Variants in FEM1C observed in about 807,000 individuals in gnomAD.
The protein encoded by FEM1C is fem-1 homolog C.
In FEM1C, 15 loss-of-function variants were observed where a neutral mutation model predicts 37.6. The observed-to-expected ratio is 0.40, with a 90% CI of 0.27 to 0.61. The LOEUF is 0.61. Ranked by LOEUF, FEM1C falls within the 20% of genes least tolerant of loss-of-function variation. FEM1C has a pLI of 0.42. For missense variants in FEM1C, 532 were observed against 749.7 expected, an observed-to-expected ratio of 0.71 and a Z score of 3.39; for synonymous variants, 287 against 272.8, an observed-to-expected ratio of 1.05 and a Z score of -0.51.
chr5:115,520,965 C>T lies in FEM1C; in HGVS notation c.*3343G>A, dbSNP rs940633624. 2.0e-5 allele frequency: 3 copies of T among 151,660 alleles called. No homozygotes were observed. Among genetic ancestry groups the T allele is most frequent in the East Asian group, 3.9e-4 (2 of 5,146 alleles). The allele number at this position is 151,660 out of a possible 1,614,324, so 9.4% of individuals were successfully genotyped here. A position where few individuals can be genotyped will look rare whatever the true frequency, so the allele number is the denominator to read the frequency against. On this transcript the variant is annotated 3_prime_UTR_variant, in exon 3 of 3. Coordinates refer to ENST00000274457, the MANE Select transcript of FEM1C (RefSeq NM_020177.3). ...AATGAATGTTGTGGCATATGATTTTCCATTGTGTGACAATTTATTAGCTGG... is the reference window on the plus strand; with the variant it reads ...AATGAATGTTGTGGCATATGATTTTTCATTGTGTGACAATTTATTAGCTGG...
Position 115,523,846 on chromosome 5 carries a change from T to C in FEM1C, c.*462A>G. 6.0e-6 allele frequency: 1 copy of C among 168,010 alleles called. No homozygotes were observed. The highest frequency in any genetic ancestry group is 1.3e-5 in the Non-Finnish European group (1 of 77,278). The allele number at this position is 168,010 out of a possible 1,614,324, so 10.4% of individuals were successfully genotyped here. On this transcript the variant is annotated 3_prime_UTR_variant, in exon 3 of 3. Transcript: ENST00000274457. ...TCCTTAAGGTTTGTACAACCTAGTA[T>C]GGGTCCATAAGGAAAAAACTGTAGT... is the stretch of plus-strand genomic sequence containing the variant.
intron 2 of FEM1C, among the ~76,000 whole-genome samples, chr5:115,530,654 C>CAAA (rs1753996578): frequency 6.6e-6 from 1 of 152,094 alleles, no homozygotes; most frequent in African/African-American, 2.4e-5. Flanking sequence ...TGTCAAGGGA[C>CAAA]TGAAGTCACT....
chr5:115,534,552 A>G (rs931545254), intron 2 of FEM1C, among the ~76,000 whole-genome samples: 12 of 151,990 alleles, frequency 7.9e-5, no homozygotes, highest in African/African-American at 2.9e-4. Context: ...ATCTCAATTT[A>G]GATAAAATTA....
At chr5:115,527,247 A>G (rs772913411) in intron 2 of FEM1C, among the ~76,000 whole-genome samples, 19 of 152,170 alleles carry the variant, frequency 1.2e-4, no homozygotes, top group Admixed American at 5.2e-4. Flanking sequence ...TCAACATAGC[A>G]TGTGTACCAG....
At position 115,521,523 on chromosome 5, in the gene FEM1C, A is replaced by G. The variant is rs189533278; in HGVS notation, c.*2785T>C. 2.0e-5 allele frequency: 3 copies of G among 152,000 alleles called. No homozygotes were observed. Among genetic ancestry groups the G allele is most frequent in the East Asian group, 3.9e-4 (2 of 5,176 alleles). 9.4% of individuals were successfully genotyped at this position (152,000 alleles called of 1,614,324 possible). On this transcript the variant is annotated 3_prime_UTR_variant, in exon 3 of 3. Coordinates refer to ENST00000274457, the MANE Select transcript of FEM1C (RefSeq NM_020177.3). ...AAGTCTATAATCCATTTGTCTTTATAAAGTAGACTGGCATCTAAGTAAAAT... is the reference window on the plus strand; with the variant it reads ...AAGTCTATAATCCATTTGTCTTTATGAAGTAGACTGGCATCTAAGTAAAAT...
intron 2 of FEM1C, among the ~76,000 whole-genome samples, chr5:115,535,118 A>AAAAGTTCCTGCATAGTAAATGGC (rs1754097705): frequency 6.6e-6 from 1 of 151,932 alleles, no homozygotes; most frequent in African/African-American, 2.4e-5. Flanking sequence ...TCATCCATGG[A>AAAAGTTCCTGCATAGTAAATGGC]AAAGTTCCTG....
chr5:115,544,264 AC>A, intron 1 of FEM1C: 3 of 688,744 alleles, frequency 4.4e-6, no homozygotes, highest in Non-Finnish European at 5.1e-6. Flanking sequence ...ATCACCCCCC[AC>A]CCCCCGCCAA....
intron 2 of FEM1C, among the ~76,000 whole-genome samples, chr5:115,531,925 C>T (rs1754024120): frequency 6.6e-6 from 1 of 152,110 alleles, no homozygotes; most frequent in South Asian, 2.1e-4. Flanking sequence ...GCTTATGCTT[C>T]ACATTATTCC....
At position 115,524,066 on chromosome 5, in the gene FEM1C, A is replaced by C. The variant is rs1753830137; in HGVS notation, c.*242T>G. The C allele has an allele frequency of 2.4e-6, 1 of 421,228 alleles. No homozygotes were observed. Among genetic ancestry groups the C allele is most frequent in the Non-Finnish European group, 4.2e-6 (1 of 239,174 alleles). The allele number at this position is 421,228 out of a possible 1,614,324, so 26.1% of individuals were successfully genotyped here. On this transcript the variant is annotated 3_prime_UTR_variant, in exon 3 of 3. Coordinates refer to ENST00000274457, the MANE Select transcript of FEM1C (RefSeq NM_020177.3). ...ACCAGAATGAATAAGCCTTTGGCAG[A>C]CAATTTTAGAAATTTGAATGTTACA...
chr5:115,536,544 G>A (rs779473332), intron 2 of FEM1C, among the ~76,000 whole-genome samples: 1 of 151,704 alleles, frequency 6.6e-6, no homozygotes, highest in Non-Finnish European at 1.5e-5. Context: ...ACAGGTGTAG[G>A]TTGATGGAGG....
intron 2 of FEM1C, among the ~76,000 whole-genome samples, chr5:115,525,996 T>A (rs1753882620): frequency 6.6e-6 from 1 of 152,106 alleles, no homozygotes; most frequent in Admixed American, 6.6e-5. Flanking sequence ...AACTTCCAGG[T>A]CAGTTTCCAC....
chr5:115,543,755 C>A lies in FEM1C; in HGVS notation c.-190-72G>T. ...AAGGCAAAACACTTCTTAATTTCCA[C>A]TTCTGTGGGAAGAAAGGAATAAAAG... is the stretch of plus-strand genomic sequence containing the variant. On this transcript the variant is annotated intron_variant, in intron 1 of 2. Coordinates refer to ENST00000274457, the MANE Select transcript of FEM1C (RefSeq NM_020177.3). 7.1e-6 allele frequency: 9 copies of A among 1,265,676 alleles called. 1 individual carries two copies. In the South Asian group the frequency reaches 2.0e-4, roughly 28 times the overall value. 78.4% of individuals were successfully genotyped at this position (1,265,676 alleles called of 1,614,324 possible).
At chr5:115,535,172 T>C (rs1754098816) in intron 2 of FEM1C, among the ~76,000 whole-genome samples, 1 of 151,692 alleles carries the variant, frequency 6.6e-6, no homozygotes, top group Non-Finnish European at 1.5e-5. Context: ...AGTCTATTCC[T>C]AACAATTTTC....
chr5:115,534,139 A>G (rs1754072314), intron 2 of FEM1C, among the ~76,000 whole-genome samples: 1 of 151,982 alleles, frequency 6.6e-6, no homozygotes, highest in Non-Finnish European at 1.5e-5. Context: ...AATCTGGAAG[A>G]ATGAAAAGTG....
At chr5:115,528,260 A>G (rs1238331965) in intron 2 of FEM1C, among the ~76,000 whole-genome samples, 3 of 152,144 alleles carry the variant, frequency 2.0e-5, no homozygotes, top group African/African-American at 7.2e-5. Flanking sequence ...GATTTAAGAC[A>G]TAACAAGGGG....
chr5:115,536,290 T>C (rs1444818117), intron 2 of FEM1C, among the ~76,000 whole-genome samples: 14 of 152,020 alleles, frequency 9.2e-5, no homozygotes, highest in Non-Finnish European at 1.8e-4. Context: ...AGTATAAGTG[T>C]TGACTGATAG....
At chr5:115,537,426 A>G (rs1034980440) in intron 2 of FEM1C, among the ~76,000 whole-genome samples, 1 of 151,980 alleles carries the variant, frequency 6.6e-6, no homozygotes, top group Admixed American at 6.6e-5. Flanking sequence ...TTCTCACCAA[A>G]CTGCTCAATT....
At chr5:115,528,525 T>TTTG (rs1753951221) in intron 2 of FEM1C, among the ~76,000 whole-genome samples, 1 of 152,144 alleles carries the variant, frequency 6.6e-6, no homozygotes, top group Non-Finnish European at 1.5e-5. Flanking sequence ...AGACTAGCTA[T>TTTG]CGCAAAAACT....
intron 2 of FEM1C, among the ~76,000 whole-genome samples, chr5:115,536,187 A>G (rs1163120904): frequency 6.6e-6 from 1 of 151,968 alleles, no homozygotes; most frequent in African/African-American, 2.4e-5. Flanking sequence ...AAAGCCATTG[A>G]ATTGTATACA....
Sources: allele counts gnomAD v4.1 joint callset (sites outside exome capture counted in the v4.1 genomes callset), GRCh38; gene constraint gnomAD v4.1.1; transcripts MANE v1.5; gene names NCBI Gene and HGNC (gene_info 2026-07-23, HGNC 2026-07-21).